The following LOXHD1 variants were observed in gnomAD, a reference collection of about 807,000 sequenced individuals.
LOXHD1 encodes the protein lipoxygenase homology domain-containing protein 1.
LOXHD1 carries 205 observed loss-of-function variants against 248.2 expected under a neutral mutation model. That is an observed-to-expected ratio of 0.83 (90% CI 0.74 to 0.93). LOXHD1 has a LOEUF of 0.93. Ranked by LOEUF, LOXHD1 falls within the 40% of genes least tolerant of loss-of-function variation. The pLI is 0.00. For synonymous variants in LOXHD1, 1,113 were observed against 1,162.8 expected, an observed-to-expected ratio of 0.96 and a Z score of 0.87; for missense variants, 2,930 against 2,971.6, an observed-to-expected ratio of 0.99 and a Z score of 0.33.
rs1177319373 is a variant in LOXHD1 at position 46,495,722 on chromosome 18, T to C, written c.5879-6580A>G. Among the ~76,000 whole-genome samples the C allele has an allele frequency of 2.0e-5, 3 of 152,210 alleles. No individual in the cohort carries two copies. In the East Asian group the frequency reaches 5.8e-4, roughly 29 times the overall value. ...ATATTAAGAAAATTTACATATTACA[T>C]AGTATTGGGAAAATTCGCCATGGAG... On this transcript the variant is annotated intron_variant, in intron 37 of 40. Coordinates refer to ENST00000642948, the MANE Select transcript of LOXHD1 (RefSeq NM_001384474.1).
intron 3 of LOXHD1, 48 bp from the exon 4 acceptor site, chr18:46,639,848 G>A: frequency 2.6e-6 from 4 of 1,545,508 alleles, no homozygotes; most frequent in African/African-American, 1.4e-5. Context: ...AACTGAAACA[G>A]CACCCCTTCC....
At chr18:46,559,306 A>C (rs776772634) in intron 20 of LOXHD1, 142 bp downstream of exon 20, 245 of 1,544,862 alleles carry the variant, frequency 1.6e-4, no homozygotes, top group Non-Finnish European at 2.1e-4. Context: ...GTTACTGAAG[A>C]GGTACTGCCA....
intron 4 of LOXHD1, among the ~76,000 whole-genome samples, chr18:46,625,503 A>AAAG (rs2038729513): frequency 6.6e-6 from 1 of 152,108 alleles, no homozygotes. Context: ...GCTAAAAAAA[A>AAAG]AAAAAAATTG....
At chr18:46,624,946 G>A (rs1056106009) in intron 4 of LOXHD1, among the ~76,000 whole-genome samples, 8 of 151,954 alleles carry the variant, frequency 5.3e-5, no homozygotes, top group African/African-American at 1.7e-4. Context: ...CTGATCCTCC[G>A]AGAAATTGCA....
intron 12 of LOXHD1, among the ~76,000 whole-genome samples, chr18:46,582,149 AT>A (rs2037976046): frequency 6.6e-6 from 1 of 152,206 alleles, no homozygotes; most frequent in Non-Finnish European, 1.5e-5. Flanking sequence ...ATATGCAAGT[AT>A]TTTTTGTTTG....
At chr18:46,624,186 C>A (rs187152586) in intron 4 of LOXHD1, among the ~76,000 whole-genome samples, 2 of 152,346 alleles carry the variant, frequency 1.3e-5, no homozygotes, top group African/African-American at 4.8e-5. Context: ...TTTTACCCCA[C>A]CCGCAAGTGA....
chr18:46,653,684 C>A (rs570953947), intron 1 of LOXHD1, among the ~76,000 whole-genome samples: 7 of 152,248 alleles, frequency 4.6e-5, no homozygotes, highest in Admixed American at 2.0e-4. Flanking sequence ...ATGAATGAAA[C>A]AATCAATGAA....
At chr18:46,595,072 TAACTTGAAAACTAATCTTTTC>T (rs1305391655) in intron 8 of LOXHD1, among the ~76,000 whole-genome samples, 3 of 152,238 alleles carry the variant, frequency 2.0e-5, no homozygotes, top group African/African-American at 7.2e-5. Context: ...TTTACTTTCT[TAACTTGAAAACTAATCTTTTC>T]AACTTGAAAA....
chr18:46,547,021 C>T lies in LOXHD1; in HGVS notation c.3388G>A (p.Glu1130Lys), dbSNP rs2036877179. 3.9e-6 allele frequency: 6 copies of T among 1,551,684 alleles called. No homozygotes were observed. The highest frequency in any genetic ancestry group is 1.4e-5 in the African/African-American group (1 of 73,068). The stretch of plus-strand genomic sequence containing the variant: ...TCCCTGGACAGCTGGCCATCATCTT[C>T]CTCCACTGCCAGCCAACGTTGGCAT... The part of the protein sequence containing the change: ...FPCQRWLAVE[E>K]DDGQLSRELL... The change falls in exon 22 of 41, where the codon GAA (glutamate) becomes AAA (lysine). Residue 1130 changes from glutamate (E) to lysine (K), a missense_variant. Transcript: ENST00000642948.
At chr18:46,591,679 T>TC (rs1164256790) in intron 12 of LOXHD1, among the ~76,000 whole-genome samples, 1 of 152,166 alleles carries the variant, frequency 6.6e-6, no homozygotes, top group Non-Finnish European at 1.5e-5. Flanking sequence ...TCTCATCCCC[T>TC]CAGAGCCAAC....
At chr18:46,522,518 C>A (rs1166277296) in intron 31 of LOXHD1, among the ~76,000 whole-genome samples, 1 of 152,220 alleles carries the variant, frequency 6.6e-6, no homozygotes, top group Non-Finnish European at 1.5e-5. Flanking sequence ...TCCCAATGTA[C>A]AGACCAAAGA....
chr18:46,587,994 GAA>G (rs1367638865), intron 12 of LOXHD1, among the ~76,000 whole-genome samples: 1 of 152,108 alleles, frequency 6.6e-6, no homozygotes, highest in Non-Finnish European at 1.5e-5. Flanking sequence ...CAAACTCAGA[GAA>G]ATTATTTTAA....
At position 46,577,698 on chromosome 18, in the gene LOXHD1, C is replaced by T. The variant is rs532438706; in HGVS notation, c.1970+9G>A. The T allele has an allele frequency of 6.5e-4, 1,011 of 1,548,918 alleles. 7 individuals carry two copies. In the South Asian group the frequency reaches 9.6e-3, roughly 15 times the overall value. ...CTGGAGAAAACACCAGCAGGCAGGA[C>T]GCATGTACCTGAGACATGGGAACTC... On this transcript the variant is annotated intron_variant, in intron 14 of 40. Coordinates refer to ENST00000642948, the MANE Select transcript of LOXHD1 (RefSeq NM_001384474.1).
chr18:46,532,045 C>T (rs1335514819), intron 28 of LOXHD1, among the ~76,000 whole-genome samples: 1 of 152,130 alleles, frequency 6.6e-6, no homozygotes, highest in Non-Finnish European at 1.5e-5. Context: ...GGTGTCTTAT[C>T]CACTTGGTGG....
At position 46,483,578 on chromosome 18, in the gene LOXHD1, A is replaced by G; in HGVS notation, c.6341+9T>C. On this transcript the variant is annotated intron_variant, in intron 40 of 40. Coordinates refer to ENST00000642948, the MANE Select transcript of LOXHD1 (RefSeq NM_001384474.1). ...GTGGCACTTCCTTGGGGAGAGGCTCAGTACATACACATTGCCGTACTCCAT... is the reference window on the plus strand; with the variant it reads ...GTGGCACTTCCTTGGGGAGAGGCTCGGTACATACACATTGCCGTACTCCAT... The G allele has an allele frequency of 6.4e-7, 1 of 1,551,278 alleles. No homozygotes were observed. The highest frequency in any genetic ancestry group is 8.7e-7 in the Non-Finnish European group (1 of 1,146,916).
rs563480519 is a variant in LOXHD1, at chr18:46,629,070, C to G, written c.511+10546G>C. On this transcript the variant is annotated intron_variant, in intron 4 of 40. Coordinates refer to ENST00000642948, the MANE Select transcript of LOXHD1 (RefSeq NM_001384474.1). ...CACCAAAGGCCAATCTCCTTTTGCC[C>G]CCATGGAGGAGGGCTGGCCCTGACC... Among the ~76,000 whole-genome samples the G allele has an allele frequency of 7.7e-4, 117 of 152,170 alleles. 1 individual carries two copies. Among genetic ancestry groups the G allele is most frequent in the African/African-American group, 2.8e-3 (115 of 41,524 alleles).
chr18:46,524,875 A>C lies in LOXHD1; in HGVS notation c.4573T>G (p.Tyr1525Asp). The change falls in exon 30 of 41, where the codon TAC (tyrosine) becomes GAC (aspartate). Residue 1525 changes from tyrosine to aspartate, a missense_variant. Tyr to Asp is a radical substitution (Grantham distance 160, BLOSUM62 -3). Coordinates refer to ENST00000642948, the MANE Select transcript of LOXHD1 (RefSeq NM_001384474.1). ...IIEAADLGVI[Y>D]KIKLRHDNSK... is the part of the protein sequence containing the mutation. ...TTGTCATGGCGGAGCTTGATCTTGT[A>C]GATGACGCCTAGGTCAGCGGCCTCG... The C allele has an allele frequency of 6.4e-7, 1 of 1,551,726 alleles. No homozygotes were observed. The highest frequency in any genetic ancestry group is 8.7e-7 in the Non-Finnish European group (1 of 1,146,990).
chr18:46,501,262 A>G (rs2034212161), intron 37 of LOXHD1, among the ~76,000 whole-genome samples: 1 of 152,250 alleles, frequency 6.6e-6, no homozygotes, highest in South Asian at 2.1e-4. Flanking sequence ...GCCAAATGCC[A>G]TGCACGTTCT....
intron 4 of LOXHD1, among the ~76,000 whole-genome samples, chr18:46,619,673 C>G (rs1280843080): frequency 1.3e-5 from 2 of 152,190 alleles, no homozygotes; most frequent in African/African-American, 2.4e-5. Context: ...GAGGAGAAAA[C>G]TTAATTTCAT....
Sources: gnomAD v4.1 joint callset for allele counts (sites outside exome capture counted in the v4.1 genomes callset) on GRCh38, gnomAD v4.1.1 for gene constraint, MANE v1.5 for transcripts, NCBI Gene and HGNC (gene_info 2026-07-23, HGNC 2026-07-21) for gene names.